CDK14: variants seen among roughly 807,000 people sequenced by gnomAD.
CDK14 encodes cyclin dependent kinase 14.
A neutral mutation model predicts 60.7 loss-of-function variants in CDK14; 34 were observed. The ratio of observed to expected loss-of-function variants is 0.56; its 90% confidence interval spans 0.43 to 0.75. CDK14 has a LOEUF of 0.75. CDK14 is among the 30% of genes least tolerant of loss of function. The pLI is 0.00. For missense variants in CDK14, 482 were observed against 564.1 expected, an observed-to-expected ratio of 0.85 and a Z score of 1.47; for synonymous variants, 197 against 203.7, an observed-to-expected ratio of 0.97 and a Z score of 0.28.
rs552803126 is a variant in CDK14, at chr7:91,208,001, G to A, written c.*865G>A. 8 of 152,694 alleles carry A rather than the reference G, an allele frequency of 5.2e-5. No individual in the cohort carries two copies. Among genetic ancestry groups the A allele is most frequent in the Admixed American group, 5.2e-4 (8 of 15,296 alleles). The allele number at this position is 152,694 out of a possible 1,614,324, so 9.5% of individuals were successfully genotyped here. On this transcript the variant is annotated 3_prime_UTR_variant, in exon 15 of 15. Coordinates refer to ENST00000380050, the MANE Select transcript of CDK14 (RefSeq NM_001287135.2). Reference sequence around the variant, plus strand: ...ATTTTCTAACTGGAGAAAAGAGTGAGGAACAGAATGTTTTAAATCTGGTGC... The same window carrying A: ...ATTTTCTAACTGGAGAAAAGAGTGAAGAACAGAATGTTTTAAATCTGGTGC...
chr7:90,669,699 A>G (rs191825300), intron 2 of CDK14, among the ~76,000 whole-genome samples: 1 of 152,242 alleles, frequency 6.6e-6, no homozygotes, highest in Non-Finnish European at 1.5e-5. Flanking sequence ...ATGAGCCTGT[A>G]CATTCCTTTT....
chr7:90,722,557 T>C (rs1802496158), intron 2 of CDK14, among the ~76,000 whole-genome samples: 1 of 152,172 alleles, frequency 6.6e-6, no homozygotes, highest in African/African-American at 2.4e-5. Context: ...TTAGCAAAAA[T>C]GGTAAACGTG....
chr7:90,615,338 T>G lies in CDK14; in HGVS notation c.123+11089T>G, dbSNP rs192924102. Among the ~76,000 whole-genome samples, 144 of 152,346 alleles carry G rather than the reference T, an allele frequency of 9.5e-4. 1 individual carries two copies. Among genetic ancestry groups the G allele is most frequent in the African/African-American group, 3.2e-3 (132 of 41,586 alleles). ...AGAGAACCCAGGGAGTCCTGGATTC[T>G]ACAATTCTGTGTGCTCTTTTGTGTT... is the stretch of plus-strand genomic sequence containing the variant. On this transcript the variant is annotated intron_variant, in intron 2 of 14. Coordinates refer to ENST00000380050, the MANE Select transcript of CDK14 (RefSeq NM_001287135.2).
chr7:90,726,616 T>G lies in CDK14; in HGVS notation c.173T>G (p.Val58Gly). The part of the protein sequence containing the change: ...STRNCQGMDS[V>G]IKPLDTIPED... ...CGGAACTGCCAGGGAATGGACTCAG[T>G]GATCAAACCCCTGGACACAATTCCT... Residue 58 changes from valine to glycine, a missense_variant, in exon 3 of 15, where the codon GTG becomes GGG. By Grantham distance (109) the Val-to-Gly change is moderately radical. Transcript: ENST00000380050. The G allele has an allele frequency of 6.2e-7, 1 of 1,613,638 alleles. No homozygotes were observed. Among genetic ancestry groups the G allele is most frequent in the Non-Finnish European group, 8.5e-7 (1 of 1,179,658 alleles).
chr7:90,709,514 A>G (rs1409821692), intron 2 of CDK14: 2 of 1,610,648 alleles, frequency 1.2e-6, no homozygotes, highest in Admixed American at 1.7e-5. Context: ...CTGAAAAGAC[A>G]GTGTGTTGTG....
At chr7:90,832,538 A>G (rs1789946910) in intron 5 of CDK14, among the ~76,000 whole-genome samples, 1 of 152,144 alleles carries the variant, frequency 6.6e-6, no homozygotes, top group African/African-American at 2.4e-5. Context: ...TAAAATACCT[A>G]CTTGTTAAAA....
intron 2 of CDK14, among the ~76,000 whole-genome samples, chr7:90,654,998 G>T (rs1232879464): frequency 1.3e-5 from 2 of 152,022 alleles, no homozygotes; most frequent in African/African-American, 2.4e-5. Flanking sequence ...CTCCTTCTCT[G>T]CCCTGAGCTC....
intron 9 of CDK14, among the ~76,000 whole-genome samples, chr7:90,971,653 TAA>T (rs35135401): frequency 7.4e-4 from 88 of 119,454 alleles, no homozygotes; most frequent in Non-Finnish European, 7.8e-4. Context: ...ATATACATAG[TAA>T]AAAAAAAAAA....
chr7:90,647,589 A>T (rs1800497228), intron 2 of CDK14, among the ~76,000 whole-genome samples: 1 of 151,846 alleles, frequency 6.6e-6, no homozygotes, highest in African/African-American at 2.4e-5. Flanking sequence ...TTAAAACTTC[A>T]TGGGCAACTA....
chr7:91,014,327 T>C (rs1217332576), intron 10 of CDK14, among the ~76,000 whole-genome samples: 1 of 152,164 alleles, frequency 6.6e-6, no homozygotes, highest in African/African-American at 2.4e-5. Flanking sequence ...GATTTTTCTC[T>C]TTTGCAACTC....
At chr7:90,938,437 C>A (rs1241967312) in intron 8 of CDK14, among the ~76,000 whole-genome samples, 1 of 152,178 alleles carries the variant, frequency 6.6e-6, no homozygotes, top group Non-Finnish European at 1.5e-5. Flanking sequence ...AAAAGTCCAA[C>A]TTGCTAATGT....
chr7:90,755,166 A>C (rs967632288), intron 4 of CDK14, among the ~76,000 whole-genome samples: 1 of 152,250 alleles, frequency 6.6e-6, no homozygotes, highest in Non-Finnish European at 1.5e-5. Flanking sequence ...ATGCAGTTTT[A>C]TGTTAATTAC....
At chr7:91,023,506 A>G (rs1584240721) in intron 10 of CDK14, among the ~76,000 whole-genome samples, 1 of 152,344 alleles carries the variant, frequency 6.6e-6, no homozygotes, top group Non-Finnish European at 1.5e-5. Context: ...ATTTTTAAAT[A>G]CCATTTGGCT....
chr7:90,956,730 C>G (rs942455178), intron 9 of CDK14, among the ~76,000 whole-genome samples: 6 of 151,898 alleles, frequency 4.0e-5, no homozygotes, highest in African/African-American at 1.5e-4. Context: ...CTTCATCTAG[C>G]GTTAGGTATA....
At chr7:90,650,682 C>G (rs1800615159) in intron 2 of CDK14, among the ~76,000 whole-genome samples, 1 of 152,174 alleles carries the variant, frequency 6.6e-6, no homozygotes, top group Non-Finnish European at 1.5e-5. Context: ...ATATGGCTAG[C>G]CAGTTTTCCC....
At chr7:91,153,140 A>G (rs1160516187) in intron 14 of CDK14, among the ~76,000 whole-genome samples, 1 of 152,210 alleles carries the variant, frequency 6.6e-6, no homozygotes, top group Non-Finnish European at 1.5e-5. Context: ...AGATGCAGAC[A>G]TGCATTGAAA....
At chr7:91,063,202 T>TA (rs1797861388) in intron 11 of CDK14, among the ~76,000 whole-genome samples, 1 of 152,198 alleles carries the variant, frequency 6.6e-6, no homozygotes, top group Admixed American at 6.5e-5. Context: ...TTTTGCTGTT[T>TA]AAAAAATCCT....
chr7:91,170,769 C>CTTTTTTTTTTTTTTTT (rs1327491575), intron 14 of CDK14, among the ~76,000 whole-genome samples: 1 of 124,008 alleles, frequency 8.1e-6, no homozygotes, highest in Non-Finnish European at 1.7e-5. Context: ...TTTTTTTTTT[C>CTTTTTTTTTTTTTTTT]TTTTTTTTTT....
intron 14 of CDK14, among the ~76,000 whole-genome samples, chr7:91,171,805 C>G (rs564883373): frequency 2.6e-5 from 4 of 152,238 alleles, no homozygotes; most frequent in Middle Eastern, 3.4e-3. Flanking sequence ...CACCACCACA[C>G]CCAGCTAATT....
Sources: allele counts gnomAD v4.1 joint callset (sites outside exome capture counted in the v4.1 genomes callset), GRCh38; gene constraint gnomAD v4.1.1; transcripts MANE v1.5; gene names NCBI Gene and HGNC (gene_info 2026-07-23, HGNC 2026-07-21).